The following SEC24B variants were observed in gnomAD, a reference collection of about 807,000 sequenced individuals.
SEC24B encodes SEC24 homolog B, COPII component, also known as protein transport protein Sec24B.
Under a neutral mutation model 142.8 loss-of-function variants are expected in SEC24B, and 45 were observed. That is an observed-to-expected ratio of 0.32 (90% CI 0.25 to 0.40). The LOEUF (loss-of-function observed/expected upper bound fraction) is 0.40, where lower values mean the gene tolerates loss of function less well. Among genes scored for constraint, SEC24B ranks in the 10% least tolerant of loss-of-function variants. The pLI is 1.00. For synonymous variants in SEC24B, 574 were observed against 568.2 expected, an observed-to-expected ratio of 1.01 and a Z score of -0.15; for missense variants, 1,409 against 1,526.8, an observed-to-expected ratio of 0.92 and a Z score of 1.29.
At chr4:109,486,971 C>T (rs1229813373) in intron 4 of SEC24B, among the ~76,000 whole-genome samples, 1 of 152,016 alleles carries the variant, frequency 6.6e-6, no homozygotes, top group African/African-American at 2.4e-5. Context: ...TTGAGACCAG[C>T]CTGGCTAACA....
chr4:109,517,687 AAAC>A (rs1008178598), intron 11 of SEC24B, among the ~76,000 whole-genome samples: 1 of 152,128 alleles, frequency 6.6e-6, no homozygotes, highest in Admixed American at 6.6e-5. Context: ...ATATATTTCA[AAAC>A]AACATGTTTT....
intron 4 of SEC24B, among the ~76,000 whole-genome samples, chr4:109,486,046 T>C (rs1734317281): frequency 6.6e-6 from 1 of 151,980 alleles, no homozygotes; most frequent in Admixed American, 6.5e-5. Context: ...TCTTGTTTTG[T>C]TTTTTCCCCC....
chr4:109,489,872 A>C (rs962125314), intron 4 of SEC24B, among the ~76,000 whole-genome samples: 1 of 151,798 alleles, frequency 6.6e-6, no homozygotes, highest in Non-Finnish European at 1.5e-5. Flanking sequence ...TTGACCTGAT[A>C]TATCAGCATT....
At chr4:109,497,259 GA>G (rs1398626802) in intron 6 of SEC24B, among the ~76,000 whole-genome samples, 1 of 152,212 alleles carries the variant, frequency 6.6e-6, no homozygotes, top group Non-Finnish European at 1.5e-5. Context: ...AGGAGTGTAG[GA>G]AGTATTTTTC....
rs1375546916 is a variant in SEC24B, at chr4:109,463,580, A to G, written c.813A>G (p.Gln271=). The change falls in exon 2 of 24, where the codon CAA becomes CAG. Residue 271 remains glutamine, a synonymous_variant. Coordinates refer to ENST00000265175, the MANE Select transcript of SEC24B (RefSeq NM_006323.5). ...TWSSPGLPST[Q]DNLIRNHTGS... Reference sequence around the variant, plus strand: ...CATCTCCAGGCCTTCCATCGACTCAAGACAATCTCATCCGAAACCACACAG... The same window carrying G: ...CATCTCCAGGCCTTCCATCGACTCAGGACAATCTCATCCGAAACCACACAG... 1 of 1,614,050 alleles carries G rather than the reference A, an allele frequency of 6.2e-7. No individual in the cohort carries two copies. Among genetic ancestry groups the G allele is most frequent in the Non-Finnish European group, 8.5e-7 (1 of 1,180,034 alleles).
chr4:109,501,092 G>A (rs1319876522), intron 6 of SEC24B, among the ~76,000 whole-genome samples: 2 of 152,150 alleles, frequency 1.3e-5, no homozygotes, highest in East Asian at 1.9e-4. Context: ...TTTGAGTCCT[G>A]TAAGCTCCAT....
intron 1 of SEC24B, among the ~76,000 whole-genome samples, chr4:109,454,366 CTG>C (rs1730444886): frequency 6.6e-6 from 1 of 151,768 alleles, no homozygotes; most frequent in African/African-American, 2.4e-5. Context: ...TGATGAAACC[CTG>C]TCTCTACTAA....
At chr4:109,451,468 A>G (rs1303405450) in intron 1 of SEC24B, among the ~76,000 whole-genome samples, 2 of 151,552 alleles carry the variant, frequency 1.3e-5, no homozygotes, top group African/African-American at 2.4e-5. Flanking sequence ...TGCCAATACT[A>G]TTGATACTTA....
At chr4:109,527,473 A>T in intron 18 of SEC24B, 41 bp downstream of exon 18, 1 of 1,454,000 alleles carries the variant, frequency 6.9e-7, no homozygotes. Context: ...GTATTTTTCT[A>T]TCTTAAAAAC....
rs1736674367 is a variant in SEC24B, at chr4:109,506,259, T to C, written c.1489-69T>C. The C allele has an allele frequency of 1.1e-5, 12 of 1,120,154 alleles. No homozygotes were observed. In the East Asian group the frequency reaches 3.6e-4, roughly 34 times the overall value. 69.4% of individuals were successfully genotyped at this position (1,120,154 alleles called of 1,614,324 possible). A position where few individuals can be genotyped will look rare whatever the true frequency, so the allele number is the denominator to read the frequency against. ...TTTGCTTTTTCTGTATGTTGAGATA[T>C]GTAGTATATATAAGAAAATTTATTT... is the stretch of plus-strand genomic sequence containing the variant. On this transcript the variant is annotated intron_variant, in intron 6 of 23. Coordinates refer to ENST00000265175, the MANE Select transcript of SEC24B (RefSeq NM_006323.5).
chr4:109,454,664 GAGGCTAGCCTT>G (rs1388973669), intron 1 of SEC24B, among the ~76,000 whole-genome samples: 8 of 152,134 alleles, frequency 5.3e-5, no homozygotes, highest in African/African-American at 1.4e-4. Context: ...GTTCTCCCCT[GAGGCTAGCCTT>G]AGAAACCAGA....
chr4:109,533,461 T>A, intron 21 of SEC24B, 132 bp from the exon 22 acceptor site: 1 of 663,438 alleles, frequency 1.5e-6, no homozygotes, highest in Non-Finnish European at 2.7e-6. Context: ...AGATTCACAA[T>A]GTAACAATTA....
At chr4:109,480,728 C>G (rs569762190) in intron 3 of SEC24B, among the ~76,000 whole-genome samples, 1 of 152,368 alleles carries the variant, frequency 6.6e-6, no homozygotes, top group Admixed American at 6.5e-5. Flanking sequence ...ATCCTCCCAC[C>G]TTGGCCTCCC....
At chr4:109,466,186 A>C (rs1731840309) in intron 2 of SEC24B, among the ~76,000 whole-genome samples, 1 of 152,158 alleles carries the variant, frequency 6.6e-6, no homozygotes, top group Admixed American at 6.6e-5. Flanking sequence ...AAGGTATCTG[A>C]CACATATCAC....
chr4:109,481,901 G>A (rs1001044439), intron 4 of SEC24B, 120 bp downstream of exon 4: 9 of 682,420 alleles, frequency 1.3e-5, no homozygotes, highest in Non-Finnish European at 2.2e-5. Context: ...ATGAACTTAC[G>A]AGGTTTGCAT....
chr4:109,464,186 G>A lies in SEC24B; in HGVS notation c.877+542G>A, dbSNP rs533925473. Reference sequence around the variant, plus strand: ...TAGGCTGAAAGATGGGGAAGGGAAAGGAAGATGCATGAAGAATACCCTGGT... The same window carrying A: ...TAGGCTGAAAGATGGGGAAGGGAAAAGAAGATGCATGAAGAATACCCTGGT... On this transcript the variant is annotated intron_variant, in intron 2 of 23. Transcript: ENST00000265175. Among the ~76,000 whole-genome samples, 487 of 152,252 alleles carry A rather than the reference G, an allele frequency of 3.2e-3. 2 individuals are homozygous for A. Among genetic ancestry groups the A allele is most frequent in the African/African-American group, 0.011 (472 of 41,548 alleles).
chr4:109,514,086 G>C (rs894776411), intron 10 of SEC24B, among the ~76,000 whole-genome samples: 1 of 152,130 alleles, frequency 6.6e-6, no homozygotes, highest in African/African-American at 2.4e-5. Flanking sequence ...CTTATGATGG[G>C]CACTAGCATC....
At chr4:109,515,625 G>A (rs1454984382) in intron 10 of SEC24B, among the ~76,000 whole-genome samples, 1 of 151,998 alleles carries the variant, frequency 6.6e-6, no homozygotes, top group Admixed American at 6.6e-5. Context: ...CACTGCACCT[G>A]GCCTATTTCA....
At position 109,536,262 on chromosome 4, in the gene SEC24B, G is replaced by T. The variant is rs939070642; in HGVS notation, c.3589-2231G>T. 2.6e-5 allele frequency among the ~76,000 whole-genome samples: 4 copies of T among 152,138 alleles called. 1 individual carries two copies. The East Asian group carries it at 7.7e-4, about 29-fold the overall frequency. ...ATTTAAGTACCATGATACTGGCACA[G>T]TAAACAGATCAGTGGGACAGAATAG... On this transcript the variant is annotated intron_variant, in intron 22 of 23. Transcript: ENST00000265175.
Sources: allele counts gnomAD v4.1 joint callset (sites outside exome capture counted in the v4.1 genomes callset), GRCh38; gene constraint gnomAD v4.1.1; transcripts MANE v1.5; gene names NCBI Gene and HGNC (gene_info 2026-07-23, HGNC 2026-07-21).